The following SHOC1 variants were observed in gnomAD, a reference collection of about 807,000 sequenced individuals.
The protein encoded by SHOC1 is protein shortage in chiasmata 1 ortholog.
SHOC1 carries 136 observed loss-of-function variants against 179.2 expected under a neutral mutation model. The ratio of observed to expected loss-of-function variants is 0.76; its 90% confidence interval spans 0.66 to 0.87. The LOEUF is 0.87. SHOC1 is among the 40% of genes least tolerant of loss of function. The probability of loss-of-function intolerance (pLI) is 0.00; values close to 1 mark genes in which losing one functional copy is unlikely to be tolerated. For missense variants in SHOC1, 1,538 were observed against 1,700.8 expected, an observed-to-expected ratio of 0.90 and a Z score of 1.68; for synonymous variants, 489 against 586.6, an observed-to-expected ratio of 0.83 and a Z score of 2.41.
Position 111,723,840 on chromosome 9 carries a change from T to C in SHOC1, c.1906A>G (p.Ile636Val). The stretch of plus-strand genomic sequence containing the variant: ...CTATCTGTTCCCCTTTCCTGATTTA[T>C]TTCCTCCAGGGTTTTATTAATATGA... ...IVHINKTLEE[I>V]NQERGTDSVI... is the part of the protein sequence containing the mutation. Residue 636 changes from isoleucine (I) to valine (V), a missense_variant, in exon 14 of 28, where the codon ATA (isoleucine) becomes GTA (valine). By Grantham distance (29) the Ile-to-Val change is conservative (BLOSUM62 3). Transcript: ENST00000682961. 1 of 1,609,904 alleles carries C rather than the reference T, an allele frequency of 6.2e-7. No individual in the cohort carries two copies. Among genetic ancestry groups the C allele is most frequent in the Non-Finnish European group, 8.5e-7 (1 of 1,176,862 alleles).
intron 8 of SHOC1, among the ~76,000 whole-genome samples, chr9:111,750,489 C>A (rs1239420202): frequency 6.6e-6 from 1 of 152,160 alleles, no homozygotes; most frequent in Non-Finnish European, 1.5e-5. Flanking sequence ...CACTTACAAC[C>A]ATGCCTGGCT....
intron 23 of SHOC1, 24 bp downstream of exon 23, chr9:111,702,081 T>G: frequency 6.9e-7 from 1 of 1,443,440 alleles, no homozygotes; most frequent in Non-Finnish European, 9.5e-7. Context: ...GAACATAACT[T>G]TGGATGAAGA....
rs1427993279 is a variant in SHOC1, at chr9:111,714,622, TC to T, written c.2237del (p.Gly746AspfsTer14). 6.2e-7 allele frequency: 1 copy of T among 1,602,516 alleles called. No individual in the cohort carries two copies. The highest frequency in any genetic ancestry group is 8.5e-7 in the Non-Finnish European group (1 of 1,177,446). ...LLTCSLDTAL[G>X]YLSKAKDIYN... ...AGATATCTTTTGCCTTCGACAAATA[TC>T]CTATTGAAGCAAAATTAGAAAAAAA... is the stretch of plus-strand genomic sequence containing the variant. On this transcript the variant is annotated frameshift_variant and splice_region_variant, in exon 17 of 28. Coordinates refer to ENST00000682961, the MANE Select transcript of SHOC1 (RefSeq NM_001378211.1). LOFTEE classifies it high-confidence loss of function.
intron 3 of SHOC1, among the ~76,000 whole-genome samples, chr9:111,784,734 T>C (rs1589478847): frequency 6.6e-6 from 1 of 151,946 alleles, no homozygotes; most frequent in Non-Finnish European, 1.5e-5. Flanking sequence ...GGCTGGGAGG[T>C]CCAAGATTAA....
At chr9:111,747,321 A>C (rs1285180858) in intron 9 of SHOC1, among the ~76,000 whole-genome samples, 1 of 152,192 alleles carries the variant, frequency 6.6e-6, no homozygotes, top group Non-Finnish European at 1.5e-5. Flanking sequence ...CTGGAACAAA[A>C]GATGATTCTA....
At chr9:111,781,815 T>C (rs1331801333) in intron 3 of SHOC1, among the ~76,000 whole-genome samples, 1 of 151,286 alleles carries the variant, frequency 6.6e-6, no homozygotes, top group Non-Finnish European at 1.5e-5. Context: ...AGAAAGACCA[T>C]GTCATATACT....
intron 27 of SHOC1, among the ~76,000 whole-genome samples, chr9:111,688,514 C>T (rs529148486): frequency 6.6e-6 from 1 of 152,182 alleles, no homozygotes; most frequent in South Asian, 2.1e-4. Flanking sequence ...AGATTACCAG[C>T]ATTTTGGACA....
chr9:111,714,624 C>T lies in SHOC1; in HGVS notation c.2237-1G>A, dbSNP rs1245260395. On this transcript the variant is annotated splice_acceptor_variant, in intron 16 of 27. Transcript: ENST00000682961. LOFTEE classifies it high-confidence loss of function. ...ATATCTTTTGCCTTCGACAAATATC[C>T]TATTGAAGCAAAATTAGAAAAAAAT... 1.9e-6 allele frequency: 3 copies of T among 1,598,704 alleles called. No homozygotes were observed. Among genetic ancestry groups the T allele is most frequent in the South Asian group, 2.3e-5 (2 of 86,602 alleles).
rs138659889 is a variant in SHOC1, at chr9:111,750,181, C to T, written c.863-1982G>A. On this transcript the variant is annotated intron_variant, in intron 8 of 27. Coordinates refer to ENST00000682961, the MANE Select transcript of SHOC1 (RefSeq NM_001378211.1). Reference sequence around the variant, plus strand: ...GCATTCATTCCTTTTTCTCCACAACCTTACCAACATCTATTGTTTTTTTAC... The same window carrying T: ...GCATTCATTCCTTTTTCTCCACAACTTTACCAACATCTATTGTTTTTTTAC... Among the ~76,000 whole-genome samples, 650 of 152,242 alleles carry T rather than the reference C, an allele frequency of 4.3e-3. 15 individuals are homozygous for T. The highest frequency in any genetic ancestry group is 0.034 in the Admixed American group (527 of 15,292).
At chr9:111,748,826 TCCTCTCTCCCTC>T (rs1370882303) in intron 8 of SHOC1, among the ~76,000 whole-genome samples, 2 of 117,310 alleles carry the variant, frequency 1.7e-5, no homozygotes, top group Non-Finnish European at 3.4e-5. Context: ...CTCCCTCCCT[TCCTCTCTCCCTC>T]CCTCCTTTGT....
chr9:111,781,753 T>TAAA (rs1554724112), intron 3 of SHOC1, among the ~76,000 whole-genome samples: 4 of 151,724 alleles, frequency 2.6e-5, no homozygotes, highest in Admixed American at 2.0e-4. Context: ...AATAAATAAA[T>TAAA]TTGTATGTGT....
At chr9:111,745,724 A>G (rs1157786630) in intron 10 of SHOC1, among the ~76,000 whole-genome samples, 2 of 152,138 alleles carry the variant, frequency 1.3e-5, no homozygotes, top group Admixed American at 1.3e-4. Flanking sequence ...CTATTGTTTA[A>G]GTCATCTAAT....
chr9:111,727,405 T>C (rs1402107916), intron 13 of SHOC1, among the ~76,000 whole-genome samples: 1 of 152,210 alleles, frequency 6.6e-6, no homozygotes, highest in Admixed American at 6.5e-5. Flanking sequence ...TAAATTCAAA[T>C]GCATTTTTAG....
chr9:111,723,477 T>C (rs1833157724), intron 14 of SHOC1, among the ~76,000 whole-genome samples: 2 of 152,164 alleles, frequency 1.3e-5, no homozygotes, highest in South Asian at 4.1e-4. Context: ...GAGAGCATGA[T>C]TAGCAGTTCA....
chr9:111,711,430 C>T (rs1270424481), intron 18 of SHOC1, among the ~76,000 whole-genome samples: 1 of 152,148 alleles, frequency 6.6e-6, no homozygotes, highest in Non-Finnish European at 1.5e-5. Flanking sequence ...CTGTCCTCTT[C>T]CTGTGTGGTA....
intron 13 of SHOC1, 43 bp downstream of exon 13, chr9:111,727,590 T>G (rs1258199818): frequency 2.7e-6 from 4 of 1,490,600 alleles, no homozygotes; most frequent in Non-Finnish European, 3.6e-6. Flanking sequence ...ACTTAGTCCT[T>G]GAGCCTACCA....
chr9:111,742,592 A>C (rs1834093281), intron 10 of SHOC1, among the ~76,000 whole-genome samples: 1 of 152,168 alleles, frequency 6.6e-6, no homozygotes, highest in Non-Finnish European at 1.5e-5. Flanking sequence ...TTAATTCATA[A>C]ACCCCTTAAT....
At chr9:111,741,428 T>A (rs1834031439) in intron 11 of SHOC1, 48 bp downstream of exon 11, 6 of 1,074,250 alleles carry the variant, frequency 5.6e-6, no homozygotes, top group Non-Finnish European at 7.1e-6. Flanking sequence ...TCGTTGTACC[T>A]TTTTACCTAT....
Position 111,748,127 on chromosome 9 carries a change from T to C in SHOC1, c.935A>G (p.Gln312Arg). ...KFSSTEILTI[Q>R]SQSEPEECSK... Reference sequence around the variant, plus strand: ...GCACTCTTCTGGTTCACTCTGGCTTTGAATGGTCAAAATCTCTGTGGAGCT... The same window carrying C: ...GCACTCTTCTGGTTCACTCTGGCTTCGAATGGTCAAAATCTCTGTGGAGCT... The change falls in exon 9 of 28, where the codon CAA becomes CGA. Residue 312 changes from glutamine (Q) to arginine (R), a missense_variant. Coordinates refer to ENST00000682961, the MANE Select transcript of SHOC1 (RefSeq NM_001378211.1). 1 of 1,613,868 alleles carries C rather than the reference T, an allele frequency of 6.2e-7. No homozygotes were observed. The highest frequency in any genetic ancestry group is 2.2e-5 in the East Asian group (1 of 44,832).
Sources: allele counts gnomAD v4.1 joint callset (sites outside exome capture counted in the v4.1 genomes callset), GRCh38; gene constraint gnomAD v4.1.1; transcripts MANE v1.5; gene names NCBI Gene and HGNC (gene_info 2026-07-23, HGNC 2026-07-21).